The following KHDRBS3 variants were observed in gnomAD, a reference collection of about 807,000 sequenced individuals.
KHDRBS3 encodes KH RNA binding domain containing, signal transduction associated 3.
In KHDRBS3, 23 loss-of-function variants were observed where a neutral mutation model predicts 45.6. That is an observed-to-expected ratio of 0.50 (90% CI 0.36 to 0.72). The LOEUF is 0.72. KHDRBS3 is among the 30% of genes least tolerant of loss of function. The pLI is 0.00. For missense variants in KHDRBS3, 352 were observed against 424.8 expected (o/e 0.83, Z 1.51); for synonymous variants, 162 against 156.5 (o/e 1.04, Z -0.26).
chr8:135,506,404 CTTTTT>C (rs35050617), intron 1 of KHDRBS3, among the ~76,000 whole-genome samples: 10 of 139,780 alleles, frequency 7.2e-5, no homozygotes, highest in Admixed American at 1.4e-4. Context: ...TAACATTCCT[CTTTTT>C]TTTTTTTTTT....
Position 135,467,038 on chromosome 8 carries a change from A to G in KHDRBS3, c.88+9084A>G, listed in dbSNP as rs577940673. ...TAAATGCTTGAGGTGAGGGATACCC[A>G]TTTCCCTGATGTGGTTATTATGCAT... On this transcript the variant is annotated intron_variant, in intron 1 of 8. Transcript: ENST00000355849. Among the ~76,000 whole-genome samples, 99 of 152,294 alleles carry G rather than the reference A, an allele frequency of 6.5e-4. 2 individuals carry two copies. In the South Asian group the frequency reaches 0.02, roughly 31 times the overall value.
At chr8:135,487,154 C>CA (rs1442513926) in intron 1 of KHDRBS3, among the ~76,000 whole-genome samples, 3 of 152,126 alleles carry the variant, frequency 2.0e-5, no homozygotes, top group African/African-American at 7.2e-5. Flanking sequence ...TTACATGTAA[C>CA]ACACGCTTCT....
chr8:135,594,864 C>G (rs974258087), intron 6 of KHDRBS3, among the ~76,000 whole-genome samples: 1 of 152,172 alleles, frequency 6.6e-6, no homozygotes, highest in Non-Finnish European at 1.5e-5. Context: ...CAGGCCTCCC[C>G]AGGACCTAGC....
chr8:135,492,516 CATAT>C (rs3029812), intron 1 of KHDRBS3, among the ~76,000 whole-genome samples: 5 of 145,852 alleles, frequency 3.4e-5, no homozygotes, highest in South Asian at 2.2e-4. Context: ...TATATATATA[CATAT>C]ATATATATAT....
At chr8:135,478,358 T>G (rs1309523692) in intron 1 of KHDRBS3, among the ~76,000 whole-genome samples, 1 of 152,220 alleles carries the variant, frequency 6.6e-6, no homozygotes, top group Non-Finnish European at 1.5e-5. Context: ...TAAATAATTA[T>G]GAACTTTTTA....
chr8:135,501,259 T>C (rs1206206642), intron 1 of KHDRBS3, among the ~76,000 whole-genome samples: 1 of 152,226 alleles, frequency 6.6e-6, no homozygotes, highest in East Asian at 1.9e-4. Flanking sequence ...TTATGTTTTC[T>C]TAGAATTTAA....
chr8:135,494,436 G>A (rs112911757), intron 1 of KHDRBS3, among the ~76,000 whole-genome samples: 20 of 151,652 alleles, frequency 1.3e-4, no homozygotes, highest in South Asian at 4.2e-4. Context: ...CCGCCACCAC[G>A]CCCAGCTACT....
chr8:135,538,326 C>T (rs1218961228), intron 2 of KHDRBS3, among the ~76,000 whole-genome samples: 1 of 152,088 alleles, frequency 6.6e-6, no homozygotes, highest in Non-Finnish European at 1.5e-5. Flanking sequence ...TTCTGATTGA[C>T]CAGTGGAAAC....
chr8:135,607,316 C>T (rs1829509996), intron 7 of KHDRBS3, among the ~76,000 whole-genome samples: 1 of 152,114 alleles, frequency 6.6e-6, no homozygotes, highest in Non-Finnish European at 1.5e-5. Flanking sequence ...GAACAATGGC[C>T]TCAAAGTCTG....
intron 2 of KHDRBS3, chr8:135,541,946 T>C (rs1178263631): frequency 6.6e-6 from 1 of 152,176 alleles, no homozygotes; most frequent in Non-Finnish European, 1.5e-5. Context: ...AACTGAGGTA[T>C]AGACAGGTTA....
At chr8:135,635,709 A>C (rs1830783058) in intron 7 of KHDRBS3, among the ~76,000 whole-genome samples, 1 of 152,210 alleles carries the variant, frequency 6.6e-6, no homozygotes, top group Admixed American at 6.5e-5. Context: ...CTTAAAGATT[A>C]GTTGTAACGT....
At chr8:135,633,707 T>A (rs1012103789) in intron 7 of KHDRBS3, among the ~76,000 whole-genome samples, 1 of 152,228 alleles carries the variant, frequency 6.6e-6, no homozygotes, top group African/African-American at 2.4e-5. Flanking sequence ...CAGTTATGAC[T>A]TTTTTAAAGA....
At chr8:135,477,104 T>C (rs1321014199) in intron 1 of KHDRBS3, among the ~76,000 whole-genome samples, 1 of 152,204 alleles carries the variant, frequency 6.6e-6, no homozygotes, top group Non-Finnish European at 1.5e-5. Context: ...GTTTTCCAGA[T>C]CTTTTCATAT....
chr8:135,620,044 A>C (rs1830072381), intron 7 of KHDRBS3, among the ~76,000 whole-genome samples: 1 of 150,734 alleles, frequency 6.6e-6, no homozygotes, highest in African/African-American at 2.4e-5. Flanking sequence ...TGTTTCTTCT[A>C]TTAGAAGTCA....
At chr8:135,500,546 T>C (rs980095228) in intron 1 of KHDRBS3, among the ~76,000 whole-genome samples, 2 of 152,172 alleles carry the variant, frequency 1.3e-5, no homozygotes. Flanking sequence ...CTCTTAACTA[T>C]GGGCCTTGGC....
chr8:135,533,927 A>T (rs1563749120), intron 2 of KHDRBS3, among the ~76,000 whole-genome samples: 1 of 152,170 alleles, frequency 6.6e-6, no homozygotes, highest in Non-Finnish European at 1.5e-5. Context: ...ATCTCATGTA[A>T]TTTATCAAAT....
intron 1 of KHDRBS3, among the ~76,000 whole-genome samples, chr8:135,481,702 C>T (rs1377199392): frequency 6.6e-6 from 1 of 152,130 alleles, no homozygotes; most frequent in African/African-American, 2.4e-5. Context: ...CTTACATCGT[C>T]GACTAACGTT....
intron 1 of KHDRBS3, among the ~76,000 whole-genome samples, chr8:135,501,177 T>C (rs1823717117): frequency 6.6e-6 from 1 of 152,194 alleles, no homozygotes; most frequent in African/African-American, 2.4e-5. Flanking sequence ...CAGTTTATGG[T>C]TGAAAGATAT....
intron 3 of KHDRBS3, among the ~76,000 whole-genome samples, chr8:135,548,096 T>C (rs1826399863): frequency 1.3e-5 from 2 of 152,210 alleles, no homozygotes. Context: ...TAGAAATGTT[T>C]TTTGAATGAA....
Sources: gnomAD v4.1 joint callset for allele counts (sites outside exome capture counted in the v4.1 genomes callset) on GRCh38, gnomAD v4.1.1 for gene constraint, MANE v1.5 for transcripts, NCBI Gene and HGNC (gene_info 2026-07-23, HGNC 2026-07-21) for gene names.